The following EGLN1 variants were observed in gnomAD, a reference collection of about 807,000 sequenced individuals.
The protein encoded by EGLN1 is egl-9 family hypoxia inducible factor 1.
In EGLN1, 17 loss-of-function variants were observed where a neutral mutation model predicts 38.3. The ratio of observed to expected loss-of-function variants is 0.44; its 90% confidence interval spans 0.30 to 0.67. EGLN1 has a LOEUF of 0.67. EGLN1 is among the 30% of genes least tolerant of loss of function. EGLN1 has a pLI of 0.08. For synonymous variants in EGLN1, 283 were observed against 257.5 expected (o/e 1.10, Z -0.95); for missense variants, 477 against 603.3 (o/e 0.79, Z 2.19).
At chr1:231,388,811 C>G (rs898721045) in intron 1 of EGLN1, among the ~76,000 whole-genome samples, 1 of 152,132 alleles carries the variant, frequency 6.6e-6, no homozygotes. Flanking sequence ...CCCACCACCA[C>G]GCCCAGCTAA....
At position 231,421,283 on chromosome 1, in the gene EGLN1, C is replaced by T. The variant is rs1656582337; in HGVS notation, c.606G>A (p.Met202Ile). ...KLALEYIVPC[M>I]NKHGICVVDD... is the part of the protein sequence containing the mutation. ...CCACCACACAGATGCCGTGCTTGTT[C>T]ATGCACGGCACGATGTACTCGAGCG... The change falls in exon 1 of 5, where the codon ATG becomes ATA. Residue 202 changes from methionine to isoleucine, a missense_variant. Met to Ile is a conservative substitution (Grantham distance 10, BLOSUM62 1). Around this residue, in one of 4 missense-constraint regions of EGLN1, gnomAD observed 119 missense variants for 179.0 expected, o/e 0.66. Transcript: ENST00000366641. The surrounding 1 kb of genome is among the most constrained non-coding windows in gnomAD (Gnocchi z 5.5). 1.2e-6 allele frequency: 2 copies of T among 1,613,426 alleles called. No homozygotes were observed. The highest frequency in any genetic ancestry group is 2.2e-5 in the South Asian group (2 of 91,074).
In EGLN1 at chr1:231,376,977, C is replaced by T. The variant is rs577167236; in HGVS notation, c.892-2878G>A. On this transcript the variant is annotated intron_variant, in intron 1 of 4. Transcript: ENST00000366641. ...AACCAGGTAACCTAGAGCTGCAGGG[C>T]TTGGTAAGCCACAGGAAGGCCTTTG... Among the ~76,000 whole-genome samples the T allele has an allele frequency of 2.0e-5, 3 of 152,266 alleles. No individual in the cohort carries two copies. In the East Asian group the frequency reaches 5.8e-4, roughly 29 times the overall value.
intron 1 of EGLN1, among the ~76,000 whole-genome samples, chr1:231,385,615 C>T (rs894247190): frequency 2.0e-5 from 3 of 152,146 alleles, no homozygotes; most frequent in Non-Finnish European, 2.9e-5. Flanking sequence ...TTCCCAAAAG[C>T]TTAGTAAGCC....
At chr1:231,384,916 C>A (rs1219170658) in intron 1 of EGLN1, among the ~76,000 whole-genome samples, 1 of 152,192 alleles carries the variant, frequency 6.6e-6, no homozygotes, top group East Asian at 1.9e-4. Flanking sequence ...TACCATCTGG[C>A]CCTTGACATA....
rs779132675 is a variant in EGLN1, at chr1:231,421,925, C to G, written c.-37G>C. The G allele has an allele frequency of 8.9e-5, 122 of 1,368,692 alleles. No individual in the cohort carries two copies. The highest frequency in any genetic ancestry group is 7.7e-5 in the Non-Finnish European group (83 of 1,072,088). The allele number at this position is 1,368,692 out of a possible 1,614,324, so 84.8% of individuals were successfully genotyped here. ...CGGCGGCGACGGCGACTGCGGCGGC[C>G]GAGCAGGAGGGGTAGCGGCCGGACG... On this transcript the variant is annotated 5_prime_UTR_variant, in exon 1 of 5. Transcript: ENST00000366641. This position sits in a 1 kb window ranked among gnomAD's most constrained non-coding sequence, Gnocchi z 5.5.
chr1:231,367,473 T>C (rs957159869), intron 4 of EGLN1, 96 bp downstream of exon 4: 5 of 1,189,364 alleles, frequency 4.2e-6, no homozygotes, highest in African/African-American at 1.5e-5. Context: ...TAAGTATTCA[T>C]GGTGTTAACA....
At chr1:231,396,407 C>T (rs2211176) in intron 1 of EGLN1, among the ~76,000 whole-genome samples, 82,794 of 151,872 alleles carry the variant, frequency 0.55, 24,185 homozygotes, top group Non-Finnish European at 0.65. Context: ...GCACGCGCCA[C>T]CAAGCCCAGC....
chr1:231,366,601 C>A, intron 4 of EGLN1, 126 bp from the exon 5 acceptor site: 1 of 958,676 alleles, frequency 1.0e-6, no homozygotes. Flanking sequence ...CATCTGAGAA[C>A]TATCACGCTT....
chr1:231,395,706 C>T (rs542030496), intron 1 of EGLN1, among the ~76,000 whole-genome samples: 1 of 152,320 alleles, frequency 6.6e-6, no homozygotes, highest in Admixed American at 6.5e-5. Context: ...AGCTACAGTG[C>T]TCTGGGATAC....
intron 1 of EGLN1, among the ~76,000 whole-genome samples, chr1:231,407,736 A>G (rs530482664): frequency 1.1e-3 from 171 of 152,284 alleles, no homozygotes; most frequent in Non-Finnish European, 1.9e-3. Flanking sequence ...AAGCAACGTC[A>G]TAAAACTTCA....
Position 231,409,958 on chromosome 1 carries a change from T to C in EGLN1, c.891+11040A>G, listed in dbSNP as rs181911856. 1.4e-3 allele frequency among the ~76,000 whole-genome samples: 218 copies of C among 152,248 alleles called. 1 individual carries two copies. Among genetic ancestry groups the C allele is most frequent in the Non-Finnish European group, 4.3e-4 (29 of 68,022 alleles). On this transcript the variant is annotated intron_variant, in intron 1 of 4. Transcript: ENST00000366641. ...ACACAGGCAAACTAGTTTAAGAACT[T>C]GTGCTTCCATGAGCGCATAAGATAA...
At chr1:231,380,731 C>T (rs1261610681) in intron 1 of EGLN1, among the ~76,000 whole-genome samples, 1 of 152,150 alleles carries the variant, frequency 6.6e-6, no homozygotes, top group African/African-American at 2.4e-5. Flanking sequence ...CATTTGCCAA[C>T]CCAGCATAGT....
chr1:231,409,409 G>A (rs559847258), intron 1 of EGLN1, among the ~76,000 whole-genome samples: 3 of 152,114 alleles, frequency 2.0e-5, no homozygotes, highest in South Asian at 4.1e-4. Flanking sequence ...CAGAAAGGCA[G>A]AGAGAATTAC....
intron 1 of EGLN1, 69 bp downstream of exon 1, chr1:231,420,929 T>C: frequency 1.9e-6 from 3 of 1,612,950 alleles, no homozygotes; most frequent in Non-Finnish European, 2.5e-6. Flanking sequence ...GCCTAGGCAG[T>C]TTCAGTCGCA....
At chr1:231,417,723 T>C (rs533579969) in intron 1 of EGLN1, among the ~76,000 whole-genome samples, 1 of 152,328 alleles carries the variant, frequency 6.6e-6, no homozygotes, top group East Asian at 1.9e-4. Context: ...TGACTTCATT[T>C]TTCCCTTATG....
At position 231,418,005 on chromosome 1, in the gene EGLN1, T is replaced by C. The variant is rs568088026; in HGVS notation, c.891+2993A>G. ...TCCTGAGTCCCACTTTTCTAATCTA[T>C]AAAAAAAGGGATACAACCACCTGCC... On this transcript the variant is annotated intron_variant, in intron 1 of 4. Transcript: ENST00000366641. Among the ~76,000 whole-genome samples the C allele has an allele frequency of 2.6e-5, 4 of 152,106 alleles. No homozygotes were observed. In the South Asian group the frequency reaches 8.3e-4, roughly 32 times the overall value.
chr1:231,386,271 C>G (rs764016658), intron 1 of EGLN1, among the ~76,000 whole-genome samples: 1 of 152,190 alleles, frequency 6.6e-6, no homozygotes, highest in Non-Finnish European at 1.5e-5. Context: ...ACAGCATTTA[C>G]AAATAATTAT....
intron 3 of EGLN1, among the ~76,000 whole-genome samples, chr1:231,369,238 C>G (rs1687749663): frequency 6.6e-6 from 1 of 152,180 alleles, no homozygotes; most frequent in African/African-American, 2.4e-5. Flanking sequence ...CCTCTCCCTT[C>G]AAAGCGCACT....
intron 1 of EGLN1, chr1:231,420,214 C>T (rs1403207636): frequency 6.6e-6 from 1 of 152,212 alleles, no homozygotes; most frequent in East Asian, 1.9e-4. Flanking sequence ...TGCGCCAATT[C>T]CGTGTTGTTG....
Sources: gnomAD v4.1 joint callset for allele counts (sites outside exome capture counted in the v4.1 genomes callset) on GRCh38, gnomAD v4.1.1 for gene constraint, gnomAD v4.1.1 regional missense constraint, Gnocchi (gnomAD v3.1) non-coding constraint, MANE v1.5 for transcripts, NCBI Gene and HGNC (gene_info 2026-07-23, HGNC 2026-07-21) for gene names.